HDGFL2: variants seen among roughly 807,000 people sequenced by gnomAD.
The protein encoded by HDGFL2 is hepatoma-derived growth factor-related protein 2.
A neutral mutation model predicts 77.1 loss-of-function variants in HDGFL2; 36 were observed. That is an observed-to-expected ratio of 0.47 (90% CI 0.36 to 0.62). The LOEUF (loss-of-function observed/expected upper bound fraction) is 0.62. HDGFL2 is among the 20% of genes least tolerant of loss of function. The pLI, the probability that HDGFL2 is intolerant of heterozygous loss-of-function variation, is 0.00. For missense variants in HDGFL2, 976 were observed against 973.4 expected, an observed-to-expected ratio of 1.00 and a Z score of -0.04; for synonymous variants, 463 against 413.1, an observed-to-expected ratio of 1.12 and a Z score of -1.46.
intron 3 of HDGFL2, among the ~76,000 whole-genome samples, chr19:4,483,992 T>G (rs1178995124): frequency 2.0e-5 from 3 of 151,032 alleles, no homozygotes; most frequent in Non-Finnish European, 4.4e-5. Flanking sequence ...AGTTTCATTG[T>G]GTTAGCCAGG....
rs1193000125 is a variant in HDGFL2 at position 4,498,324 on chromosome 19, A to T, written c.1421A>T (p.Lys474Met). The T allele has an allele frequency of 6.2e-7, 1 of 1,613,546 alleles. No homozygotes were observed. The highest frequency in any genetic ancestry group is 1.3e-5 in the African/African-American group (1 of 74,944). The change falls in exon 12 of 16, where the codon AAG becomes ATG. Residue 474 changes from lysine to methionine, a missense_variant. Around this residue, in one of 5 missense-constraint regions of HDGFL2, gnomAD observed 567 missense variants for 534.7 expected, o/e 1.06. Transcript: ENST00000616600. ...EKKKEPSVEE[K>M]LQKLHSEIKF... ...GGCCCAGAGCCCTCCGTGGAGGAGA[A>T]GCTGCAGAAGCTGCACAGTGAGATC...
At chr19:4,498,082 G>A (rs768558054) in intron 11 of HDGFL2, 51 bp downstream of exon 11, 31 of 1,487,712 alleles carry the variant, frequency 2.1e-5, no homozygotes, top group Admixed American at 7.9e-5. Context: ...TGAGGGGAAC[G>A]GGGACAGCCG....
chr19:4,493,081 G>A (rs1417444808), intron 6 of HDGFL2, among the ~76,000 whole-genome samples: 7 of 47,544 alleles, frequency 1.5e-4, no homozygotes, highest in Non-Finnish European at 3.0e-4. Flanking sequence ...TGTGGTGTGT[G>A]TGTGTTATCT....
chr19:4,493,995 C>T lies in HDGFL2; in HGVS notation c.852C>T (p.Leu284=). 6.2e-7 allele frequency: 1 copy of T among 1,610,838 alleles called. No homozygotes were observed. Residue 284 remains leucine, a synonymous_variant, in exon 8 of 16, where the codon CTC becomes CTT. Coordinates refer to ENST00000616600, the MANE Select transcript of HDGFL2 (RefSeq NM_001001520.3). ...CTCTTCCTGTAGCGGAGAAGCCTCT[C>T]CCGAAGCCGCGAGGGCGGAAACCGA... The part of the protein sequence containing the change: ...PRGRKPAEKP[L]PKPRGRKPKP...
At chr19:4,487,892 C>T (rs888375957) in intron 3 of HDGFL2, among the ~76,000 whole-genome samples, 5 of 151,614 alleles carry the variant, frequency 3.3e-5, no homozygotes, top group African/African-American at 1.2e-4. Context: ...ATGGTAGAAG[C>T]CCAGAGGTCT....
intron 4 of HDGFL2, among the ~76,000 whole-genome samples, chr19:4,489,245 G>T (rs74447174): frequency 1.4e-5 from 2 of 138,772 alleles, no homozygotes; most frequent in Non-Finnish European, 3.1e-5. Flanking sequence ...GAGCCACTGC[G>T]CCTGGCCACC....
chr19:4,492,891 CTGTGGTGTG>C lies in HDGFL2; in HGVS notation c.679-807_679-799del, dbSNP rs766690107. ...GTGTGTGTGGTGTGGTGTGTGTTAT[CTGTGGTGTG>C]TGTGTGGTGTCTGTGTGGTGTGTAT... On this transcript the variant is annotated intron_variant, in intron 6 of 15. Coordinates refer to ENST00000616600, the MANE Select transcript of HDGFL2 (RefSeq NM_001001520.3). 5.3e-5 allele frequency among the ~76,000 whole-genome samples: 6 copies of C among 113,692 alleles called. No individual in the cohort carries two copies. In the South Asian group the frequency reaches 1.1e-3, roughly 22 times the overall value. 74.6% of individuals were successfully genotyped at this position (113,692 alleles called of 152,430 possible). A position where few individuals can be genotyped will look rare whatever the true frequency, so the allele number is the denominator to read the frequency against.
At chr19:4,497,743 C>T in intron 10 of HDGFL2, 1 of 567,638 alleles carries the variant, frequency 1.8e-6, no homozygotes, top group Non-Finnish European at 3.1e-6. Flanking sequence ...CGGGAAAAGG[C>T]TTGTATCTTT....
intron 3 of HDGFL2, among the ~76,000 whole-genome samples, chr19:4,477,233 G>A (rs192198125): frequency 7.4e-4 from 112 of 152,308 alleles, no homozygotes; most frequent in African/African-American, 1.5e-3. Flanking sequence ...CACACGTGCC[G>A]CACTGGGGAC....
chr19:4,501,863 G>T, intron 15 of HDGFL2, 48 bp from the exon 16 acceptor site: 2 of 1,351,472 alleles, frequency 1.5e-6, no homozygotes, highest in Non-Finnish European at 1.9e-6. Flanking sequence ...CTACAGGCAG[G>T]GCAGGGGCGG....
In HDGFL2 at chr19:4,501,081, TGTCACCCAC is replaced by T. The variant is rs1328691789; in HGVS notation, c.1790-108_1790-100del. The stretch of plus-strand genomic sequence containing the variant: ...GCTGGGGTCCAGGTGGATGGGCATG[TGTCACCCAC>T]GGCGCTCAGCTTGGCCCCTGGTCCA... On this transcript the variant is annotated intron_variant, in intron 14 of 15. Transcript: ENST00000616600. 1.2e-5 allele frequency: 16 copies of T among 1,360,946 alleles called. No homozygotes were observed. In the Admixed American group the frequency reaches 2.8e-4, roughly 24 times the overall value. 84.3% of individuals were successfully genotyped at this position (1,360,946 alleles called of 1,614,324 possible).
intron 3 of HDGFL2, among the ~76,000 whole-genome samples, chr19:4,476,230 G>C (rs1975070511): frequency 8.8e-6 from 1 of 113,870 alleles, no homozygotes; most frequent in Non-Finnish European, 1.7e-5. Context: ...GTCTTGCTCT[G>C]TTGCCCAGGC....
chr19:4,474,302 G>C (rs1465077222), intron 1 of HDGFL2, among the ~76,000 whole-genome samples: 1 of 152,136 alleles, frequency 6.6e-6, no homozygotes, highest in Non-Finnish European at 1.5e-5. Context: ...GGTGGGCCTC[G>C]GAGGACCGTG....
chr19:4,493,110 GT>G (rs1975583035), intron 6 of HDGFL2, among the ~76,000 whole-genome samples: 15 of 141,410 alleles, frequency 1.1e-4, no homozygotes, highest in African/African-American at 2.2e-4. Flanking sequence ...TGTGGTGTGT[GT>G]GTTGTCTGTG....
At chr19:4,493,002 TTGTGTGTGGTGCGTGTGTGTTATC>T (rs903409910) in intron 6 of HDGFL2, among the ~76,000 whole-genome samples, 1 of 127,828 alleles carries the variant, frequency 7.8e-6, no homozygotes, top group Non-Finnish European at 1.7e-5. Flanking sequence ...GTGTGTGTGG[TTGTGTGTGGTGCGTGTGTGTTATC>T]TGTGTGTGGT....
At chr19:4,487,444 A>G (rs983870731) in intron 3 of HDGFL2, among the ~76,000 whole-genome samples, 3 of 151,844 alleles carry the variant, frequency 2.0e-5, no homozygotes, top group African/African-American at 4.8e-5. Flanking sequence ...TTTTGTAGAG[A>G]GGGGGTTTCG....
Position 4,475,430 on chromosome 19 carries a change from G to T in HDGFL2, c.150-15G>T. 1.2e-6 allele frequency: 2 copies of T among 1,613,726 alleles called. No individual in the cohort carries two copies. Among genetic ancestry groups the T allele is most frequent in the Non-Finnish European group, 1.7e-6 (2 of 1,179,900 alleles). ...CCTCACTCACCTGGGACTGGCCCCC[G>T]TTTCCCTTCTCCAGAGCCTTCCTGG... On this transcript the variant is annotated splice_polypyrimidine_tract_variant and intron_variant, in intron 2 of 15. Coordinates refer to ENST00000616600, the MANE Select transcript of HDGFL2 (RefSeq NM_001001520.3).
chr19:4,478,197 G>T (rs1306608704), intron 3 of HDGFL2, among the ~76,000 whole-genome samples: 1 of 140,480 alleles, frequency 7.1e-6, no homozygotes, highest in Non-Finnish European at 1.5e-5. Flanking sequence ...GGATGCTGCT[G>T]TTTTTTTTTT....
At chr19:4,487,068 C>T (rs977687913) in intron 3 of HDGFL2, among the ~76,000 whole-genome samples, 1 of 151,934 alleles carries the variant, frequency 6.6e-6, no homozygotes, top group Admixed American at 6.6e-5. Context: ...TGGGTTCAAG[C>T]AATTCTCTGC....
Sources: gnomAD v4.1 joint callset for allele counts (sites outside exome capture counted in the v4.1 genomes callset) on GRCh38, gnomAD v4.1.1 for gene constraint, gnomAD v4.1.1 regional missense constraint, MANE v1.5 for transcripts, NCBI Gene and HGNC (gene_info 2026-07-23, HGNC 2026-07-21) for gene names.